Variants in SIL1 observed in about 807,000 individuals in gnomAD.
SIL1 encodes SIL1 nucleotide exchange factor, also known as nucleotide exchange factor SIL1.
In SIL1, 40 loss-of-function variants were observed where a neutral mutation model predicts 49.1. The observed-to-expected ratio is 0.81, with a 90% CI of 0.63 to 1.06. The LOEUF is 1.06. SIL1 is among the 50% of genes least tolerant of loss of function. The probability of loss-of-function intolerance (pLI) is 0.00; values close to 1 mark genes in which losing one functional copy is unlikely to be tolerated. For synonymous variants in SIL1, 253 were observed against 250.8 expected (o/e 1.01, Z -0.08); for missense variants, 500 against 572.6 (o/e 0.87, Z 1.29).
chr5:138,988,233 C>G (rs1303627954), intron 7 of SIL1, among the ~76,000 whole-genome samples: 2 of 152,200 alleles, frequency 1.3e-5, no homozygotes, highest in Non-Finnish European at 2.9e-5. Context: ...AGCACAGACC[C>G]GTACACCTGG....
chr5:138,957,745 A>G (rs1474299953), intron 7 of SIL1, among the ~76,000 whole-genome samples: 1 of 152,168 alleles, frequency 6.6e-6, no homozygotes, highest in African/African-American at 2.4e-5. Context: ...TGAAGATATG[A>G]AGACCCTTTA....
chr5:139,009,418 T>C (rs1258691851), intron 7 of SIL1, among the ~76,000 whole-genome samples: 2 of 146,740 alleles, frequency 1.4e-5, no homozygotes, highest in African/African-American at 5.1e-5. Flanking sequence ...CTTTATCCAA[T>C]TTGCCAGTCT....
chr5:138,959,292 G>A (rs1212579613), intron 7 of SIL1, among the ~76,000 whole-genome samples: 1 of 152,208 alleles, frequency 6.6e-6, no homozygotes, highest in African/African-American at 2.4e-5. Flanking sequence ...CCTACGTTCT[G>A]AGGACAAGCA....
intron 1 of SIL1, among the ~76,000 whole-genome samples, chr5:139,135,126 C>T (rs1750946294): frequency 6.6e-6 from 1 of 152,178 alleles, no homozygotes; most frequent in Non-Finnish European, 1.5e-5. Context: ...AACAGAAAGT[C>T]AAGAGGCAGA....
chr5:139,029,811 T>G (rs895459285), intron 5 of SIL1, among the ~76,000 whole-genome samples: 2 of 151,724 alleles, frequency 1.3e-5, no homozygotes, highest in Admixed American at 6.6e-5. Flanking sequence ...GTTTTTAGTT[T>G]TCTGTAAAAA....
intron 1 of SIL1, among the ~76,000 whole-genome samples, chr5:139,158,308 T>C (rs1215114185): frequency 6.6e-6 from 1 of 152,172 alleles, no homozygotes; most frequent in Non-Finnish European, 1.5e-5. Context: ...AAGAGACAAA[T>C]TACACATCTT....
At chr5:138,969,545 A>G (rs1189464182) in intron 7 of SIL1, among the ~76,000 whole-genome samples, 1 of 152,186 alleles carries the variant, frequency 6.6e-6, no homozygotes, top group African/African-American at 2.4e-5. Context: ...CCCCTGTTCC[A>G]TCTGAGAGCC....
chr5:139,142,020 A>G (rs976569334), intron 1 of SIL1, among the ~76,000 whole-genome samples: 1 of 152,204 alleles, frequency 6.6e-6, no homozygotes, highest in Non-Finnish European at 1.5e-5. Flanking sequence ...TTAAAGTCCA[A>G]CTTAGCAACT....
At chr5:139,102,597 C>A (rs573303583) in intron 3 of SIL1, among the ~76,000 whole-genome samples, 3 of 152,100 alleles carry the variant, frequency 2.0e-5, no homozygotes, top group Admixed American at 1.3e-4. Flanking sequence ...TATCCTACTT[C>A]CAATATAATA....
intron 3 of SIL1, among the ~76,000 whole-genome samples, chr5:139,095,743 G>A (rs937573543): frequency 6.6e-6 from 1 of 152,184 alleles, no homozygotes; most frequent in Non-Finnish European, 1.5e-5. Context: ...TGGGAGGACT[G>A]GTGGAGCCAG....
intron 7 of SIL1, among the ~76,000 whole-genome samples, chr5:138,975,449 A>C (rs1247754922): frequency 1.3e-5 from 2 of 152,178 alleles, no homozygotes. Context: ...CACCTGCCTC[A>C]GACAAGGGTC....
chr5:139,092,149 A>T (rs1413693815), intron 3 of SIL1, among the ~76,000 whole-genome samples: 2 of 152,214 alleles, frequency 1.3e-5, no homozygotes, highest in African/African-American at 2.4e-5. Context: ...GCTGGTACTG[A>T]TAAAAAGCAT....
chr5:139,053,632 G>A (rs1466105333), intron 3 of SIL1, among the ~76,000 whole-genome samples: 2 of 152,128 alleles, frequency 1.3e-5, no homozygotes, highest in Non-Finnish European at 2.9e-5. Flanking sequence ...CCTCATTCCT[G>A]TGCTCTAGGC....
intron 1 of SIL1, chr5:139,131,556 G>A (rs1260848522): frequency 1.3e-5 from 2 of 152,196 alleles, no homozygotes; most frequent in African/African-American, 2.4e-5. Flanking sequence ...AAAAATAGCT[G>A]CTACACTCAC....
intron 7 of SIL1, among the ~76,000 whole-genome samples, chr5:138,988,619 T>C (rs116840065): frequency 0.012 from 1,828 of 152,314 alleles, 34 homozygotes; most frequent in African/African-American, 0.041. Context: ...AAAGAAACTA[T>C]CTCCTAAGAA....
chr5:139,132,121 G>A (rs921209388), intron 1 of SIL1, among the ~76,000 whole-genome samples: 3 of 152,040 alleles, frequency 2.0e-5, no homozygotes, highest in Non-Finnish European at 4.4e-5. Context: ...GATCAACAAC[G>A]AAACTGGTGC....
chr5:139,031,128 G>A (rs960701548), intron 5 of SIL1, among the ~76,000 whole-genome samples: 3 of 152,064 alleles, frequency 2.0e-5, no homozygotes, highest in Admixed American at 2.0e-4. Context: ...TTTTGGTGAA[G>A]TCCAATTTAT....
chr5:139,012,624 A>AT (rs1415788669), intron 7 of SIL1: 1 of 152,104 alleles, frequency 6.6e-6, no homozygotes, highest in African/African-American at 2.4e-5. Flanking sequence ...TTATGTCATG[A>AT]TTTTTTCTTT....
intron 5 of SIL1, among the ~76,000 whole-genome samples, chr5:139,041,468 G>C (rs1448493799): frequency 6.6e-6 from 1 of 152,268 alleles, no homozygotes; most frequent in Non-Finnish European, 1.5e-5. Context: ...TGTCTCTCTA[G>C]GACATTACCT....
Sources: allele counts gnomAD v4.1 joint callset (sites outside exome capture counted in the v4.1 genomes callset), GRCh38; gene constraint gnomAD v4.1.1; transcripts MANE v1.5; gene names NCBI Gene and HGNC (gene_info 2026-07-23, HGNC 2026-07-21).